DLEU7: variants seen among roughly 807,000 people sequenced by gnomAD.
DLEU7 encodes leukemia-associated protein 7.
In DLEU7, 17 loss-of-function variants were observed where a neutral mutation model predicts 16.0. That is an observed-to-expected ratio of 1.06 (90% CI 0.73 to 1.59). The LOEUF is 1.59. Ranked by LOEUF, DLEU7 falls within the 40% of genes most tolerant of loss-of-function variation. The pLI is 0.00. For synonymous variants in DLEU7, 113 were observed against 139.8 expected, an observed-to-expected ratio of 0.81 and a Z score of 1.35; for missense variants, 308 against 314.9, an observed-to-expected ratio of 0.98 and a Z score of 0.17.
At chr13:50,724,710 T>C (rs1252243388) in intron 1 of DLEU7, among the ~76,000 whole-genome samples, 2 of 152,138 alleles carry the variant, frequency 1.3e-5, no homozygotes, top group African/African-American at 4.8e-5. Context: ...CCAAATCCTA[T>C]AGCGCATGCC....
intron 1 of DLEU7, among the ~76,000 whole-genome samples, chr13:50,793,625 G>A (rs751959446): frequency 2.6e-5 from 4 of 152,060 alleles, no homozygotes; most frequent in East Asian, 1.9e-4. Context: ...TTTTTCTTAC[G>A]TTTGCTGGCT....
chr13:50,808,219 A>G (rs1388271343), intron 1 of DLEU7, among the ~76,000 whole-genome samples: 1 of 152,194 alleles, frequency 6.6e-6, no homozygotes, highest in Non-Finnish European at 1.5e-5. Context: ...CCATTCTTCT[A>G]ACCTTCCCTG....
downstream of DLEU7, chr13:50,822,539 G>T: frequency 2.5e-6 from 2 of 807,734 alleles, no homozygotes; most frequent in Non-Finnish European, 3.0e-6. Flanking sequence ...TAAACGGTTT[G>T]GGAAACCTGC....
chr13:50,759,662 C>A (rs1449831295), intron 1 of DLEU7, among the ~76,000 whole-genome samples: 2 of 152,094 alleles, frequency 1.3e-5, no homozygotes, highest in Admixed American at 1.3e-4. Context: ...TCTCTTAGAT[C>A]CATTCTTTCC....
chr13:50,719,389 T>G (rs1248094709), intron 1 of DLEU7, among the ~76,000 whole-genome samples: 1 of 152,194 alleles, frequency 6.6e-6, no homozygotes, highest in Non-Finnish European at 1.5e-5. Flanking sequence ...TTGGCAGAGG[T>G]GCAAATTCTT....
At chr13:50,807,918 T>A (rs775929903) in intron 1 of DLEU7, 2 of 152,022 alleles carry the variant, frequency 1.3e-5, no homozygotes, top group Non-Finnish European at 2.9e-5. Flanking sequence ...AATGAGACAT[T>A]TACTGCTGAC....
intron 1 of DLEU7, among the ~76,000 whole-genome samples, chr13:50,811,774 A>G (rs1483740820): frequency 6.6e-6 from 1 of 152,106 alleles, no homozygotes; most frequent in Non-Finnish European, 1.5e-5. Flanking sequence ...TCATATTTAA[A>G]TGCCTGTAAG....
At chr13:50,812,479 TG>T (rs887182453) in intron 1 of DLEU7, among the ~76,000 whole-genome samples, 1 of 152,158 alleles carries the variant, frequency 6.6e-6, no homozygotes, top group Non-Finnish European at 1.5e-5. Flanking sequence ...AGTTTTAGTC[TG>T]TATGTAGGGT....
rs566736533 is a variant in DLEU7 at position 50,763,666 on chromosome 13, T to C, written c.460-50426A>G. Among the ~76,000 whole-genome samples the C allele has an allele frequency of 5.3e-5, 8 of 152,314 alleles. No individual in the cohort carries two copies. The South Asian group carries it at 1.7e-3, about 32-fold the overall frequency. On this transcript the variant is annotated intron_variant, in intron 1 of 1. Coordinates refer to the DLEU7 transcript ENST00000400393. ...AAATACTCAGCCAGCCACACTGCCC[T>C]TCCTGCCCTGACCCTTTTGACATGT...
intron 1 of DLEU7, among the ~76,000 whole-genome samples, chr13:50,798,192 A>T (rs2137779238): frequency 6.6e-6 from 1 of 152,318 alleles, no homozygotes; most frequent in South Asian, 2.1e-4. Context: ...TCATAATATG[A>T]TAACTAAGGA....
chr13:50,713,444 G>A (rs1873351481), intron 1 of DLEU7, among the ~76,000 whole-genome samples: 1 of 152,054 alleles, frequency 6.6e-6, no homozygotes, highest in South Asian at 2.1e-4. Context: ...CCCTAATTTC[G>A]AGTCAAACAA....
At chr13:50,752,628 C>T (rs1874604339) in intron 1 of DLEU7, among the ~76,000 whole-genome samples, 1 of 151,588 alleles carries the variant, frequency 6.6e-6, no homozygotes, top group African/African-American at 2.4e-5. Flanking sequence ...AGTGAAGCTG[C>T]CGACCTTCAC....
At position 50,789,778 on chromosome 13, in the gene DLEU7, A is replaced by G. The variant is rs80101452; in HGVS notation, c.459+53410T>C. 0.01 allele frequency among the ~76,000 whole-genome samples: 1,575 copies of G among 152,294 alleles called. 49 individuals carry two copies. The South Asian group carries it at 0.11, about 10-fold the overall frequency. On this transcript the variant is annotated intron_variant, in intron 1 of 1. Coordinates refer to the DLEU7 transcript ENST00000400393. ...ATAGCATCTGAGGAAGCTAAAACCC[A>G]GTGAGGTGAATTACTGCCCACTTCA...
At chr13:50,825,830 G>C (rs939218474) in intron 1 of DLEU7, among the ~76,000 whole-genome samples, 1 of 152,158 alleles carries the variant, frequency 6.6e-6, no homozygotes, top group Non-Finnish European at 1.5e-5. Context: ...GGAACACCTA[G>C]TGCTTTTCTT....
At chr13:50,786,648 T>G (rs995319193) in intron 1 of DLEU7, among the ~76,000 whole-genome samples, 1 of 152,358 alleles carries the variant, frequency 6.6e-6, no homozygotes, top group African/African-American at 2.4e-5. Context: ...TGAATCTCTC[T>G]GTCCTTGGGC....
chr13:50,721,269 C>T (rs959311395), intron 1 of DLEU7, among the ~76,000 whole-genome samples: 1 of 152,218 alleles, frequency 6.6e-6, no homozygotes, highest in African/African-American at 2.4e-5. Flanking sequence ...CCTTCGGCCA[C>T]AGACTGAAGG....
intron 1 of DLEU7, among the ~76,000 whole-genome samples, chr13:50,799,503 G>T (rs1008355439): frequency 2.0e-5 from 3 of 152,130 alleles, no homozygotes; most frequent in African/African-American, 7.2e-5. Context: ...AGACAATTGT[G>T]CGTCTCTGCA....
At chr13:50,784,156 C>T (rs931478345) in intron 1 of DLEU7, among the ~76,000 whole-genome samples, 2 of 152,142 alleles carry the variant, frequency 1.3e-5, no homozygotes, top group African/African-American at 4.8e-5. Flanking sequence ...AGCACTTCTG[C>T]TTTTTGGGTT....
intron 1 of DLEU7, among the ~76,000 whole-genome samples, chr13:50,746,709 T>G (rs990814855): frequency 6.6e-6 from 1 of 152,142 alleles, no homozygotes. Flanking sequence ...TAATACACTT[T>G]TCTACTTCCA....
Sources: gnomAD v4.1 joint callset for allele counts (sites outside exome capture counted in the v4.1 genomes callset) on GRCh38, gnomAD v4.1.1 for gene constraint, MANE v1.5 for transcripts, NCBI Gene and HGNC (gene_info 2026-07-23, HGNC 2026-07-21) for gene names.